SELP: variants seen among roughly 807,000 people sequenced by gnomAD.
The protein encoded by SELP is selectin P.
Under a neutral mutation model 104.1 loss-of-function variants are expected in SELP, and 92 were observed. The ratio of observed to expected loss-of-function variants is 0.88; its 90% CI spans 0.75 to 1.05. The LOEUF (loss-of-function observed/expected upper bound fraction) is 1.05. SELP is among the 50% of genes least tolerant of loss of function. SELP has a pLI of 0.00. For synonymous variants in SELP, 397 were observed against 364.5 expected (o/e 1.09, Z -1.01); for missense variants, 1,022 against 1,017.3 (o/e 1.00, Z -0.06).
intron 2 of SELP, among the ~76,000 whole-genome samples, chr1:169,617,682 T>C (rs1203791185): frequency 6.6e-6 from 1 of 152,190 alleles, no homozygotes; most frequent in African/African-American, 2.4e-5. Context: ...ATATCAAAGT[T>C]AGGAGGGACC....
At chr1:169,618,191 C>T (rs535097514) in intron 2 of SELP, among the ~76,000 whole-genome samples, 17 of 152,170 alleles carry the variant, frequency 1.1e-4, no homozygotes, top group Non-Finnish European at 2.4e-4. Flanking sequence ...CTTAATAGGC[C>T]TTCAATAAAT....
In SELP at chr1:169,617,024, C is replaced by G; in HGVS notation, c.481+4G>C. On this transcript the variant is annotated splice_donor_region_variant and intron_variant, in intron 3 of 16. Transcript: ENST00000263686. The stretch of plus-strand genomic sequence containing the variant: ...GGAAAGTTTCAAAGTAGAGAAGGCC[C>G]TACCTGTGTAACACAATGCGTGCTT... 1.9e-6 allele frequency: 3 copies of G among 1,591,252 alleles called. No homozygotes were observed. The highest frequency in any genetic ancestry group is 2.6e-6 in the Non-Finnish European group (3 of 1,167,964).
chr1:169,599,747 G>A (rs1661807084), intron 10 of SELP, among the ~76,000 whole-genome samples: 1 of 152,044 alleles, frequency 6.6e-6, no homozygotes, highest in Non-Finnish European at 1.5e-5. Flanking sequence ...AATGTTGGGG[G>A]AATGAAGAAA....
At chr1:169,605,891 A>G (rs952238172) in intron 9 of SELP, among the ~76,000 whole-genome samples, 1 of 152,322 alleles carries the variant, frequency 6.6e-6, no homozygotes, top group Admixed American at 6.5e-5. Flanking sequence ...AATTGGATAC[A>G]TTGAGGGGGA....
At chr1:169,603,903 A>G (rs1223864031) in intron 9 of SELP, among the ~76,000 whole-genome samples, 2 of 152,244 alleles carry the variant, frequency 1.3e-5, no homozygotes, top group Admixed American at 6.5e-5. Flanking sequence ...TAGTGCCGCA[A>G]TAAACATACC....
In SELP at chr1:169,612,214, C is replaced by G. The variant is rs747551124; in HGVS notation, c.961+3G>C. The G allele has an allele frequency of 6.2e-7, 1 of 1,613,438 alleles. No homozygotes were observed. Among genetic ancestry groups the G allele is most frequent in the East Asian group, 2.2e-5 (1 of 44,874 alleles). Reference sequence around the variant, plus strand: ...TTATACATCCCAACTACCTGAAACTCACCTTTACACACTGGGGCTGGGGCT... The same window carrying G: ...TTATACATCCCAACTACCTGAAACTGACCTTTACACACTGGGGCTGGGGCT... On this transcript the variant is annotated splice_donor_region_variant and intron_variant, in intron 6 of 16. Transcript: ENST00000263686.
chr1:169,618,640 T>C (rs577085180), intron 2 of SELP, among the ~76,000 whole-genome samples: 10 of 152,346 alleles, frequency 6.6e-5, no homozygotes, highest in Admixed American at 4.6e-4. Flanking sequence ...CTTGCTGACA[T>C]TTCCAGGGCA....
intron 1 of SELP, among the ~76,000 whole-genome samples, chr1:169,620,833 G>T (rs1035539613): frequency 8.0e-6 from 1 of 125,116 alleles, no homozygotes; most frequent in East Asian, 2.4e-4. Flanking sequence ...GTGTGTATGT[G>T]TCATGCCACA....
chr1:169,628,975 T>C (rs1199765527), intron 1 of SELP, among the ~76,000 whole-genome samples: 1 of 152,182 alleles, frequency 6.6e-6, no homozygotes, highest in Non-Finnish European at 1.5e-5. Context: ...AGCAAAGCAG[T>C]AGGATGAATC....
chr1:169,619,612 A>T (rs1662991251), intron 1 of SELP, among the ~76,000 whole-genome samples: 2 of 152,226 alleles, frequency 1.3e-5, no homozygotes, highest in African/African-American at 4.8e-5. Flanking sequence ...AGAAAGTCAC[A>T]TGAGAACTTC....
chr1:169,609,740 T>C (rs1345827070), intron 7 of SELP, 51 bp from the exon 8 acceptor site: 7 of 1,532,234 alleles, frequency 4.6e-6, no homozygotes, highest in Non-Finnish European at 8.8e-7. Context: ...GGCCGGGTTC[T>C]TCCTCAGAAA....
chr1:169,606,358 T>G (rs1225459538), intron 9 of SELP, among the ~76,000 whole-genome samples: 1 of 152,236 alleles, frequency 6.6e-6, no homozygotes, highest in Non-Finnish European at 1.5e-5. Context: ...ATAGAATGTT[T>G]ATACTGAATC....
At chr1:169,612,607 A>C (rs763621512) in intron 5 of SELP, among the ~76,000 whole-genome samples, 13 of 152,204 alleles carry the variant, frequency 8.5e-5, no homozygotes, top group Non-Finnish European at 1.8e-4. Context: ...TAAAATTATC[A>C]AATTAATAAT....
intron 13 of SELP, among the ~76,000 whole-genome samples, chr1:169,594,124 A>G (rs1295816652): frequency 6.6e-6 from 1 of 152,246 alleles, no homozygotes; most frequent in Non-Finnish European, 1.5e-5. Flanking sequence ...TAAGGTCCCA[A>G]TAAAAGAAAT....
intron 9 of SELP, among the ~76,000 whole-genome samples, chr1:169,605,491 G>T (rs3917761): frequency 0.31 from 46,090 of 150,222 alleles, 8,684 homozygotes; most frequent in African/African-American, 0.51. Flanking sequence ...GTGTGTGGGG[G>T]GTGTGTGTGT....
chr1:169,617,216 T>C lies in SELP; in HGVS notation c.293A>G (p.Asn98Ser). 6.2e-7 allele frequency: 1 copy of C among 1,614,208 alleles called. No homozygotes were observed. The highest frequency in any genetic ancestry group is 8.5e-7 in the Non-Finnish European group (1 of 1,180,038). The change falls in exon 3 of 17, where the codon AAT (asparagine) becomes AGT (serine). Residue 98 changes from asparagine (N) to serine (S), a missense_variant. Coordinates refer to ENST00000263686, the MANE Select transcript of SELP (RefSeq NM_003005.4). Reference protein sequence around the residue: ...SYYWIGIRKNNKTWTWVGTKK... With the variant: ...SYYWIGIRKNSKTWTWVGTKK... ...GGTTCCCACCCATGTCCATGTCTTA[T>C]TGTTCTTTCGGATCCCAATCCAGTA...
In SELP at chr1:169,613,801, G is replaced by T. The variant is rs563393509; in HGVS notation, c.482-108C>A. The T allele has an allele frequency of 3.0e-5, 26 of 873,400 alleles. No individual in the cohort carries two copies. In the East Asian group the frequency reaches 3.9e-4, roughly 13 times the overall value. The allele number at this position is 873,400 out of a possible 1,614,324, so 54.1% of individuals were successfully genotyped here. A position where few individuals can be genotyped will look rare whatever the true frequency, so the allele number is the denominator to read the frequency against. ...TCCCCTCTCAGATAGGACTGAGCTA[G>T]CCAGACAAGAGGGAAGCACAGTATC... On this transcript the variant is annotated intron_variant, in intron 3 of 16. Coordinates refer to ENST00000263686, the MANE Select transcript of SELP (RefSeq NM_003005.4).
At chr1:169,598,878 G>A (rs1320359353) in intron 10 of SELP, among the ~76,000 whole-genome samples, 2 of 152,132 alleles carry the variant, frequency 1.3e-5, no homozygotes, top group African/African-American at 2.4e-5. Context: ...TGCCTACCTG[G>A]TTTGAAAAGA....
chr1:169,603,138 A>G lies in SELP; in HGVS notation c.1593T>C (p.Ser531=), dbSNP rs1217974442. The G allele has an allele frequency of 3.7e-6, 6 of 1,614,136 alleles. No individual in the cohort carries two copies. The East Asian group carries it at 6.7e-5, about 18-fold the overall frequency. The change falls in exon 10 of 17, where the codon AGT becomes AGC. Residue 531 remains serine (S), a synonymous_variant. Coordinates refer to ENST00000263686, the MANE Select transcript of SELP (RefSeq NM_003005.4). The part of the protein sequence containing the change: ...MTCVQPLGSS[S]YKSTCQFICD... Reference sequence around the variant, plus strand: ...AGATGAATTGACATGTGGATTTATAACTGGAACTTCCAAGAGGTTGAACAC... The same window carrying G: ...AGATGAATTGACATGTGGATTTATAGCTGGAACTTCCAAGAGGTTGAACAC...
Sources: gnomAD v4.1 joint callset for allele counts (sites outside exome capture counted in the v4.1 genomes callset) on GRCh38, gnomAD v4.1.1 for gene constraint, MANE v1.5 for transcripts, NCBI Gene and HGNC (gene_info 2026-07-23, HGNC 2026-07-21) for gene names.